ASPRV1: variants seen among roughly 807,000 people sequenced by gnomAD.
ASPRV1 encodes aspartic peptidase retroviral like 1.
A neutral mutation model predicts 11.0 loss-of-function variants in ASPRV1; 7 were observed. The ratio of observed to expected loss-of-function variants is 0.64; its 90% CI spans 0.36 to 1.20. The LOEUF is 1.20. Among genes scored for constraint, ASPRV1 ranks in the 50% most tolerant of loss-of-function variants. The probability of loss-of-function intolerance (pLI) is 0.02; values close to 1 mark genes in which losing one functional copy is unlikely to be tolerated. For synonymous variants in ASPRV1, 136 were observed against 138.4 expected, an observed-to-expected ratio of 0.98 and a Z score of 0.12; for missense variants, 299 against 320.0, an observed-to-expected ratio of 0.93 and a Z score of 0.50.
the ASPRV1 span, chr2:70,068,981 G>C: frequency 6.9e-6 from 1 of 144,932 alleles, no homozygotes; most frequent in Non-Finnish European, 1.5e-5. Context: ...CCTTTCCTTC[G>C]TCAGTAAACC....
the ASPRV1 span, among the ~76,000 whole-genome samples, chr2:70,063,722 A>C: frequency 6.6e-6 from 1 of 152,216 alleles, no homozygotes; most frequent in African/African-American, 2.4e-5. Context: ...AAATACAGAG[A>C]AAGTAATATA....
the ASPRV1 span, chr2:70,030,977 T>C: frequency 6.6e-6 from 1 of 152,106 alleles, no homozygotes; most frequent in Non-Finnish European, 1.5e-5. Flanking sequence ...AAATATTACA[T>C]AAACATATCA....
chr2:70,085,860 C>T, the ASPRV1 span: 1 of 152,252 alleles, frequency 6.6e-6, no homozygotes, highest in African/African-American at 2.4e-5. Flanking sequence ...GTAGTCTCTT[C>T]GTAGCTCTCG....
chr2:69,945,685 C>T, the ASPRV1 span, among the ~76,000 whole-genome samples: 11 of 152,186 alleles, frequency 7.2e-5, no homozygotes, highest in African/African-American at 2.4e-4. Flanking sequence ...CTGGTGAAGG[C>T]AGGCTAGGGA....
chr2:70,080,939 GCTAA>G, the ASPRV1 span: 2 of 152,110 alleles, frequency 1.3e-5, no homozygotes, highest in African/African-American at 2.4e-5. Flanking sequence ...CAGCAGCTGG[GCTAA>G]CTGTTTTGGT....
At chr2:69,959,308 C>T (rs146188386), downstream of ASPRV1, among the ~76,000 whole-genome samples, 322 of 152,196 alleles carry the variant, frequency 2.1e-3, 1 homozygote, top group African/African-American at 7.4e-3. Flanking sequence ...GGCCACCCTC[C>T]CCTGAGAACA....
the ASPRV1 span, chr2:70,086,501 G>A: frequency 2.6e-5 from 4 of 151,642 alleles, no homozygotes; most frequent in Non-Finnish European, 5.9e-5. Flanking sequence ...CCAAGATGGC[G>A]GGCCCTGACG....
the ASPRV1 span, among the ~76,000 whole-genome samples, chr2:69,995,863 C>T: frequency 3.9e-5 from 6 of 152,096 alleles, no homozygotes; most frequent in Admixed American, 3.3e-4. Context: ...CATTTGGTTT[C>T]GATGTGGAAA....
At chr2:69,999,702 T>C in the ASPRV1 span, among the ~76,000 whole-genome samples, 1 of 148,378 alleles carries the variant, frequency 6.7e-6, no homozygotes, top group South Asian at 2.1e-4. Context: ...CCAGTCCTAG[T>C]GATCCAAATA....
chr2:69,955,149 C>A (rs548292796), downstream of ASPRV1, among the ~76,000 whole-genome samples: 9 of 152,210 alleles, frequency 5.9e-5, no homozygotes, highest in African/African-American at 2.2e-4. Flanking sequence ...GGGCCTGGAA[C>A]GTGGGGTGGC....
the ASPRV1 span, among the ~76,000 whole-genome samples, chr2:69,998,611 C>G: frequency 6.6e-6 from 1 of 151,904 alleles, no homozygotes; most frequent in South Asian, 2.1e-4. Flanking sequence ...CGCCTGTAGT[C>G]CCAGCTACTC....
chr2:69,937,478 AGT>A, the ASPRV1 span: 9 of 1,333,462 alleles, frequency 6.7e-6, no homozygotes, highest in Admixed American at 1.6e-4. Flanking sequence ...CAGGAGGCAG[AGT>A]GTAAGAAGAA....
the ASPRV1 span, chr2:69,988,777 G>A: frequency 2.0e-5 from 9 of 456,532 alleles, no homozygotes; most frequent in East Asian, 6.9e-5. Flanking sequence ...AGCTTATAAC[G>A]AAGAGTAGTG....
At chr2:70,067,431 G>T in the ASPRV1 span, among the ~76,000 whole-genome samples, 1 of 151,992 alleles carries the variant, frequency 6.6e-6, no homozygotes, top group African/African-American at 2.4e-5. Flanking sequence ...ACGTGTAGAT[G>T]GTAACTGAAG....
chr2:69,949,801 G>A, the ASPRV1 span, among the ~76,000 whole-genome samples: 2 of 151,628 alleles, frequency 1.3e-5, no homozygotes, highest in Admixed American at 6.6e-5. Flanking sequence ...TCATGATTTG[G>A]CACATGCATA....
At chr2:69,985,014 G>A in the ASPRV1 span, among the ~76,000 whole-genome samples, 1 of 152,066 alleles carries the variant, frequency 6.6e-6, no homozygotes, top group East Asian at 1.9e-4. Context: ...CCACCACCAC[G>A]CCCAGCTAAT....
At chr2:70,066,827 C>A in the ASPRV1 span, among the ~76,000 whole-genome samples, 2 of 151,838 alleles carry the variant, frequency 1.3e-5, no homozygotes, top group Admixed American at 1.3e-4. Context: ...TGGGCTCAAG[C>A]GATCCTCCCA....
At chr2:69,935,799 C>G in the ASPRV1 span, among the ~76,000 whole-genome samples, 1 of 152,212 alleles carries the variant, frequency 6.6e-6, no homozygotes, top group African/African-American at 2.4e-5. Context: ...TCCCCACTGT[C>G]TACTGCAATA....
At chr2:70,008,376 A>G in the ASPRV1 span, among the ~76,000 whole-genome samples, 2 of 152,168 alleles carry the variant, frequency 1.3e-5, no homozygotes, top group African/African-American at 4.8e-5. Context: ...TCCTGACAAT[A>G]GAAAACTTAA....
Sources: gnomAD v4.1 joint callset for allele counts (sites outside exome capture counted in the v4.1 genomes callset) on GRCh38, gnomAD v4.1.1 for gene constraint, MANE v1.5 for transcripts, NCBI Gene and HGNC (gene_info 2026-07-23, HGNC 2026-07-21) for gene names.